Variants in PAXIP1 observed in about 807,000 individuals in gnomAD.
PAXIP1 encodes PAX-interacting protein 1.
A neutral mutation model predicts 140.6 loss-of-function variants in PAXIP1; 19 were observed. That is an observed-to-expected ratio of 0.14 (90% CI 0.09 to 0.20). The LOEUF (loss-of-function observed/expected upper bound fraction) is 0.20. PAXIP1 is among the 10% of genes least tolerant of loss of function. The probability of loss-of-function intolerance (pLI) is 1.00; values close to 1 mark genes in which losing one functional copy is unlikely to be tolerated. For synonymous variants in PAXIP1, 442 were observed against 444.6 expected, an observed-to-expected ratio of 0.99 and a Z score of 0.07; for missense variants, 920 against 1,208.6, an observed-to-expected ratio of 0.76 and a Z score of 3.54.
At chr7:154,971,401 G>A (rs73171061) in intron 6 of PAXIP1, among the ~76,000 whole-genome samples, 40,267 of 152,162 alleles carry the variant, frequency 0.26, 5,707 homozygotes, top group Middle Eastern at 0.4. Flanking sequence ...TCCCGGCTAG[G>A]AATGAAGATG....
At chr7:154,990,279 G>A (rs182180549) in intron 4 of PAXIP1, among the ~76,000 whole-genome samples, 81 of 152,164 alleles carry the variant, frequency 5.3e-4, no homozygotes, top group South Asian at 2.9e-3. Context: ...GACCTCAGGT[G>A]ATCCGCCCAC....
At chr7:154,947,458 T>C (rs1265872391) in intron 17 of PAXIP1, 2 of 156,788 alleles carry the variant, frequency 1.3e-5, no homozygotes, top group African/African-American at 4.8e-5. Flanking sequence ...CATTTAAAAA[T>C]CTTTTAGTAC....
chr7:154,950,028 T>C (rs1391923248), intron 16 of PAXIP1: 2 of 152,174 alleles, frequency 1.3e-5, no homozygotes, highest in Non-Finnish European at 2.9e-5. Context: ...GTAGTAGCAA[T>C]GTAAAGACTC....
At position 154,954,080 on chromosome 7, in the gene PAXIP1, T is replaced by C. The variant is rs1372168274; in HGVS notation, c.2821+175A>G. Reference sequence around the variant, plus strand: ...CAAAACTTTTACACCTAGGGTAAAATGCAAAGACATCAATCAAAGGAATCA... The same window carrying C: ...CAAAACTTTTACACCTAGGGTAAAACGCAAAGACATCAATCAAAGGAATCA... On this transcript the variant is annotated intron_variant, in intron 16 of 20. Coordinates refer to ENST00000404141, the MANE Select transcript of PAXIP1 (RefSeq NM_007349.4). This position sits in a 1 kb window ranked among gnomAD's most constrained non-coding sequence, Gnocchi z 5.1. Among the ~76,000 whole-genome samples the C allele has an allele frequency of 6.6e-6, 1 of 152,028 alleles. No homozygotes were observed. The highest frequency in any genetic ancestry group is 2.4e-5 in the African/African-American group (1 of 41,394).
chr7:154,987,579 A>G (rs1241695037), intron 4 of PAXIP1, among the ~76,000 whole-genome samples: 2 of 152,054 alleles, frequency 1.3e-5, no homozygotes, highest in Non-Finnish European at 2.9e-5. Flanking sequence ...CCAAGTTCCT[A>G]CACTTCCATA....
chr7:154,969,503 T>C lies in PAXIP1; in HGVS notation c.1075-377A>G, dbSNP rs1302101821. Among the ~76,000 whole-genome samples the C allele has an allele frequency of 8.5e-5, 13 of 152,214 alleles. 1 individual carries two copies. In the East Asian group the frequency reaches 1.7e-3, roughly 20 times the overall value. On this transcript the variant is annotated intron_variant, in intron 6 of 20. Transcript: ENST00000404141. ...GCACCGTGCTGCGGCACCACTCCAC[T>C]GCCCATCGCCTGCATCAGCTCCGCA...
Position 154,944,112 on chromosome 7 carries a change from A to C in PAXIP1, c.*37T>G. ...TCGCCAGCCAGACAGCCAGCCCCGC[A>C]CCGCAGGAGTCGACATGCACGGCAG... On this transcript the variant is annotated 3_prime_UTR_variant, in exon 21 of 21. Coordinates refer to ENST00000404141, the MANE Select transcript of PAXIP1 (RefSeq NM_007349.4). 1 of 1,610,738 alleles carries C rather than the reference A, an allele frequency of 6.2e-7. No homozygotes were observed.
rs765901736 is a variant in PAXIP1, at chr7:154,983,324, A to G, written c.333T>C (p.Ser111=). ...GITACLSQVS[S]EDRSALWALV... is the part of the protein sequence containing the mutation. ...AAGCCCACAGGGCACTTCTGTCTTC[A>G]GATGACACCTGACAGAAAGTTAGAA... The change falls in exon 5 of 21, where the codon TCT becomes TCC. Residue 111 remains serine, a synonymous_variant. Coordinates refer to ENST00000404141, the MANE Select transcript of PAXIP1 (RefSeq NM_007349.4). The G allele has an allele frequency of 6.4e-7, 1 of 1,562,630 alleles. No homozygotes were observed. Among genetic ancestry groups the G allele is most frequent in the Admixed American group, 1.7e-5 (1 of 59,636 alleles).
upstream of PAXIP1, chr7:155,003,353 C>T (rs13311432): frequency 2.6e-5 from 4 of 151,736 alleles, no homozygotes; most frequent in Non-Finnish European, 5.9e-5. Flanking sequence ...TCGGCGGGGC[C>T]GGAGTGAGCC....
chr7:154,991,397 TATACAC>T (rs1810323677), intron 3 of PAXIP1, among the ~76,000 whole-genome samples: 1 of 152,188 alleles, frequency 6.6e-6, no homozygotes, highest in African/African-American at 2.4e-5. Context: ...CACACATGCC[TATACAC>T]ATACACACAA....
rs1348178304 is a variant in PAXIP1 at position 154,986,599 on chromosome 7, A to G, written c.325-3267T>C. The stretch of plus-strand genomic sequence containing the variant: ...GTTGTTAATGTATCTTACAACCAAA[A>G]TAACATTTTTTAGCAACCACAAAAT... On this transcript the variant is annotated intron_variant, in intron 4 of 20. Coordinates refer to ENST00000404141, the MANE Select transcript of PAXIP1 (RefSeq NM_007349.4). This position sits in a 1 kb window ranked among gnomAD's most constrained non-coding sequence, Gnocchi z 4.8. 6.6e-6 allele frequency among the ~76,000 whole-genome samples: 1 copy of G among 152,202 alleles called. No homozygotes were observed. The highest frequency in any genetic ancestry group is 1.5e-5 in the Non-Finnish European group (1 of 68,034).
chr7:154,944,173 G>A lies in PAXIP1; in HGVS notation c.3195-9C>T. 1.3e-6 allele frequency: 2 copies of A among 1,597,410 alleles called. No individual in the cohort carries two copies. The highest frequency in any genetic ancestry group is 1.7e-6 in the Non-Finnish European group (2 of 1,169,768). ...ATCAGTTAAACTTATATGTAGGCTT[G>A]TTGAGGAAAACGACTTTCAAACACA... On this transcript the variant is annotated splice_polypyrimidine_tract_variant and intron_variant, in intron 20 of 20. Coordinates refer to ENST00000404141, the MANE Select transcript of PAXIP1 (RefSeq NM_007349.4).
rs917547241 is a variant in PAXIP1 at position 154,963,704 on chromosome 7, G to A, written c.1956C>T (p.Leu652=). The A allele has an allele frequency of 5.6e-6, 9 of 1,613,608 alleles. No individual in the cohort carries two copies. The highest frequency in any genetic ancestry group is 7.6e-6 in the Non-Finnish European group (9 of 1,179,732). Residue 652 remains leucine, a synonymous_variant, in exon 9 of 21, where the codon CTC becomes CTT. Transcript: ENST00000404141. The surrounding 1 kb of genome is among the most constrained non-coding windows in gnomAD (Gnocchi z 4.1). The part of the protein sequence containing the change: ...PTFTSRCTHL[L]CESQVSSAYA... ...ACGCGCTGCTGACTTGACTCTCACA[G>A]AGAAGGTGCGTGCATCGACTCGTGA...
At chr7:154,976,974 T>G (rs1458303338) in intron 5 of PAXIP1, among the ~76,000 whole-genome samples, 1 of 152,224 alleles carries the variant, frequency 6.6e-6, no homozygotes, top group African/African-American at 2.4e-5. Context: ...TGCTGAATGA[T>G]GCAGTAACAG....
rs1258761402 is a variant in PAXIP1 at position 154,986,946 on chromosome 7, C to A, written c.325-3614G>T. Among the ~76,000 whole-genome samples, 1 of 152,214 alleles carries A rather than the reference C, an allele frequency of 6.6e-6. No individual in the cohort carries two copies. Among genetic ancestry groups the A allele is most frequent in the Non-Finnish European group, 1.5e-5 (1 of 68,032 alleles). Reference sequence around the variant, plus strand: ...CTTTTGGCCATCATTGACCCAGCCACTCCCCTTGGTAAGTTTAGCACCAAG... The same window carrying A: ...CTTTTGGCCATCATTGACCCAGCCAATCCCCTTGGTAAGTTTAGCACCAAG... On this transcript the variant is annotated intron_variant, in intron 4 of 20. Coordinates refer to ENST00000404141, the MANE Select transcript of PAXIP1 (RefSeq NM_007349.4). This position sits in a 1 kb window ranked among gnomAD's most constrained non-coding sequence, Gnocchi z 4.8.
Position 154,963,827 on chromosome 7 carries a change from T to A in PAXIP1, c.1894-61A>T, listed in dbSNP as rs776744620. ...CACTCAGAATAGAGGAGAATTCCAA[T>A]TTCAAATAAGGCAGCTATTAAAAGA... On this transcript the variant is annotated intron_variant, in intron 8 of 20. Transcript: ENST00000404141. This position sits in a 1 kb window ranked among gnomAD's most constrained non-coding sequence, Gnocchi z 4.1. 51 of 1,120,386 alleles carry A rather than the reference T, an allele frequency of 4.6e-5. 2 individuals are homozygous for A. In the Middle Eastern group the frequency reaches 8.2e-3, roughly 180 times the overall value. The allele number at this position is 1,120,386 out of a possible 1,614,324, so 69.4% of individuals were successfully genotyped here. A position where few individuals can be genotyped will look rare whatever the true frequency, so the allele number is the denominator to read the frequency against.
intron 5 of PAXIP1, among the ~76,000 whole-genome samples, chr7:154,982,602 C>T (rs1418114716): frequency 5.9e-5 from 9 of 152,190 alleles, no homozygotes; most frequent in African/African-American, 1.7e-4. Context: ...CCACCCACAT[C>T]GGCCTCCCAA....
chr7:154,951,834 A>T (rs1808283613), intron 16 of PAXIP1: 1 of 152,226 alleles, frequency 6.6e-6, no homozygotes, highest in Admixed American at 6.5e-5. Context: ...AAAAAGAATA[A>T]GCAAAGTCAG....
chr7:154,974,626 G>A (rs895232608), intron 6 of PAXIP1: 1 of 152,026 alleles, frequency 6.6e-6, no homozygotes, highest in Non-Finnish European at 1.5e-5. Context: ...GTCTAAAATA[G>A]CCTCCTTCCC....
Sources: allele counts gnomAD v4.1 joint callset (sites outside exome capture counted in the v4.1 genomes callset), GRCh38; gene constraint gnomAD v4.1.1; non-coding constraint Gnocchi (gnomAD v3.1); transcripts MANE v1.5; gene names NCBI Gene and HGNC (gene_info 2026-07-23, HGNC 2026-07-21).